The following EXOC6B variants were observed in gnomAD, a reference collection of about 807,000 sequenced individuals.
EXOC6B encodes the protein SEC15 homolog B.
In EXOC6B, 54 loss-of-function variants were observed where a neutral mutation model predicts 113.5. The observed-to-expected ratio is 0.48, with a 90% confidence interval of 0.38 to 0.60. EXOC6B has a LOEUF of 0.60. EXOC6B is among the 20% of genes least tolerant of loss of function. EXOC6B has a pLI of 0.00. For missense variants in EXOC6B, 797 were observed against 977.5 expected, an observed-to-expected ratio of 0.82 and a Z score of 2.46; for synonymous variants, 357 against 339.0, an observed-to-expected ratio of 1.05 and a Z score of -0.58.
intron 18 of EXOC6B, chr2:72,462,459 G>A (rs186834290): frequency 5.6e-4 from 85 of 151,894 alleles, no homozygotes; most frequent in Middle Eastern, 3.4e-3. Flanking sequence ...ATGCAACTTT[G>A]TTATTTTTTT....
intron 6 of EXOC6B, among the ~76,000 whole-genome samples, chr2:72,688,920 G>A (rs1386694794): frequency 6.6e-6 from 1 of 152,112 alleles, no homozygotes; most frequent in Non-Finnish European, 1.5e-5. Context: ...GTACTAACCC[G>A]ATCACTCTGT....
chr2:72,544,791 T>G (rs2105800876), intron 8 of EXOC6B, among the ~76,000 whole-genome samples: 1 of 152,256 alleles, frequency 6.6e-6, no homozygotes, highest in Non-Finnish European at 1.5e-5. Flanking sequence ...AATGCTAGAC[T>G]TCTAAATACA....
intron 17 of EXOC6B, among the ~76,000 whole-genome samples, chr2:72,479,315 T>C (rs530998152): frequency 6.6e-6 from 1 of 152,078 alleles, no homozygotes; most frequent in Admixed American, 6.6e-5. Flanking sequence ...TTTCAAACAA[T>C]AGAAAAATAG....
At chr2:72,287,244 A>G (rs903432751) in intron 20 of EXOC6B, among the ~76,000 whole-genome samples, 1 of 151,860 alleles carries the variant, frequency 6.6e-6, no homozygotes, top group Non-Finnish European at 1.5e-5. Context: ...CCTGGCTAAC[A>G]CGATGAAACC....
chr2:72,711,435 T>C (rs981671036), intron 6 of EXOC6B, among the ~76,000 whole-genome samples: 2 of 152,114 alleles, frequency 1.3e-5, no homozygotes, highest in African/African-American at 2.4e-5. Context: ...CTAAAAGATT[T>C]GTTGAAAATA....
At chr2:72,551,264 C>G (rs1703204595) in intron 8 of EXOC6B, among the ~76,000 whole-genome samples, 1 of 152,022 alleles carries the variant, frequency 6.6e-6, no homozygotes, top group African/African-American at 2.4e-5. Flanking sequence ...GTGGCGCGAT[C>G]TCGGCTCACT....
At chr2:72,771,378 A>G (rs1201338766) in intron 1 of EXOC6B, among the ~76,000 whole-genome samples, 1 of 152,128 alleles carries the variant, frequency 6.6e-6, no homozygotes, top group African/African-American at 2.4e-5. Flanking sequence ...TTTCTAAACC[A>G]TTTGTAAGTA....
chr2:72,394,382 T>C (rs943257954), intron 18 of EXOC6B, among the ~76,000 whole-genome samples: 3 of 152,110 alleles, frequency 2.0e-5, no homozygotes, highest in Non-Finnish European at 4.4e-5. Flanking sequence ...AGCATAATAT[T>C]ATGAGGGCAC....
intron 20 of EXOC6B, among the ~76,000 whole-genome samples, chr2:72,211,316 A>T (rs1007646613): frequency 6.6e-6 from 1 of 152,210 alleles, no homozygotes; most frequent in Non-Finnish European, 1.5e-5. Context: ...CTTACTTTCT[A>T]TTAATAAATG....
At chr2:72,508,133 A>G (rs552540946) in intron 11 of EXOC6B, among the ~76,000 whole-genome samples, 11 of 137,850 alleles carry the variant, frequency 8.0e-5, no homozygotes, top group East Asian at 2.0e-4. Context: ...ATGATGGGGG[A>G]AAAAAAAACC....
At position 72,688,501 on chromosome 2, in the gene EXOC6B, C is replaced by T. The variant is rs772831106; in HGVS notation, c.669+29602G>A. Among the ~76,000 whole-genome samples the T allele has an allele frequency of 5.3e-5, 8 of 151,820 alleles. No homozygotes were observed. In the East Asian group the frequency reaches 1.4e-3, roughly 26 times the overall value. On this transcript the variant is annotated intron_variant, in intron 6 of 21. Coordinates refer to ENST00000272427, the MANE Select transcript of EXOC6B (RefSeq NM_015189.3). ...GGAAGCTGAAGTATTTATACACCAG[C>T]TTCCATGAGTTATGAGCTGAGGACT...
chr2:72,547,731 C>T (rs1360254761), intron 8 of EXOC6B, among the ~76,000 whole-genome samples: 2 of 151,952 alleles, frequency 1.3e-5, no homozygotes, highest in Admixed American at 6.6e-5. Flanking sequence ...GGATTAGGGC[C>T]GACTGAATCA....
chr2:72,308,846 G>T (rs1687034548), intron 20 of EXOC6B, among the ~76,000 whole-genome samples: 1 of 151,902 alleles, frequency 6.6e-6, no homozygotes, highest in Non-Finnish European at 1.5e-5. Context: ...AATCTTATCT[G>T]CTTTCTTTTA....
At chr2:72,733,837 ATGT>A (rs1455982736) in intron 2 of EXOC6B, among the ~76,000 whole-genome samples, 2 of 152,216 alleles carry the variant, frequency 1.3e-5, no homozygotes, top group Non-Finnish European at 2.9e-5. Flanking sequence ...AACTTCTAAA[ATGT>A]TGTTTAATAA....
chr2:72,681,168 C>T (rs1676673433), intron 6 of EXOC6B, among the ~76,000 whole-genome samples: 1 of 152,140 alleles, frequency 6.6e-6, no homozygotes, highest in Non-Finnish European at 1.5e-5. Flanking sequence ...TCTCATCTTT[C>T]AACACACATC....
intron 20 of EXOC6B, among the ~76,000 whole-genome samples, chr2:72,189,860 C>T (rs1484474532): frequency 1.0e-4 from 9 of 87,202 alleles, no homozygotes; most frequent in South Asian, 3.2e-4. Context: ...CCTTCTTCTT[C>T]TTTTTTTTTT....
At chr2:72,224,994 G>GTGTGTGTATATATATATA (rs908047817) in intron 20 of EXOC6B, among the ~76,000 whole-genome samples, 3 of 137,318 alleles carry the variant, frequency 2.2e-5, no homozygotes, top group African/African-American at 5.3e-5. Context: ...GTGTGTGTGT[G>GTGTGTGTATATATATATA]TATATATATA....
chr2:72,185,711 A>G lies in EXOC6B; in HGVS notation c.2197-1524T>C, dbSNP rs373693869. 2.7e-5 allele frequency among the ~76,000 whole-genome samples: 4 copies of G among 149,512 alleles called. No homozygotes were observed. In the East Asian group the frequency reaches 7.8e-4, roughly 29 times the overall value. On this transcript the variant is annotated intron_variant, in intron 20 of 21. Transcript: ENST00000272427. ...ATCCTTTAGAAGAGAATTTCCCTTG[A>G]CTTTCTACTCTAGTATCAGTATTTC... is the stretch of plus-strand genomic sequence containing the variant.
Position 72,825,428 on chromosome 2 carries a change from T to C in EXOC6B, c.113+370A>G, listed in dbSNP as rs1424688562. Reference sequence around the variant, plus strand: ...TTGTCTGAAGAGCAGGACTCCTGTCTAGGGCAGGACGTAGTTAGAGACGGA... The same window carrying C: ...TTGTCTGAAGAGCAGGACTCCTGTCCAGGGCAGGACGTAGTTAGAGACGGA... On this transcript the variant is annotated intron_variant, in intron 1 of 21. Transcript: ENST00000272427. This position sits in a 1 kb window ranked among gnomAD's most constrained non-coding sequence, Gnocchi z 4.4. Among the ~76,000 whole-genome samples the C allele has an allele frequency of 1.3e-5, 2 of 152,194 alleles. No individual in the cohort carries two copies. Among genetic ancestry groups the C allele is most frequent in the Non-Finnish European group, 2.9e-5 (2 of 68,022 alleles).
Sources: allele counts gnomAD v4.1 joint callset (sites outside exome capture counted in the v4.1 genomes callset), GRCh38; gene constraint gnomAD v4.1.1; non-coding constraint Gnocchi (gnomAD v3.1); transcripts MANE v1.5; gene names NCBI Gene and HGNC (gene_info 2026-07-23, HGNC 2026-07-21).